PCDH15: variants seen among roughly 807,000 people sequenced by gnomAD.
PCDH15 encodes protocadherin-15.
PCDH15 carries 129 observed loss-of-function variants against 178.5 expected under a neutral mutation model. That is an observed-to-expected ratio of 0.72 (90% CI 0.63 to 0.84). The LOEUF is 0.84. Among genes scored for constraint, PCDH15 ranks in the 40% least tolerant of loss-of-function variants. PCDH15 has a pLI of 0.00. For missense variants in PCDH15, 2,230 were observed against 2,099.9 expected (o/e 1.06, Z -1.21); for synonymous variants, 800 against 732.0 (o/e 1.09, Z -1.50).
intron 3 of PCDH15, among the ~76,000 whole-genome samples, chr10:54,511,390 C>T (rs1326192697): frequency 1.3e-5 from 2 of 152,104 alleles, no homozygotes; most frequent in African/African-American, 4.8e-5. Flanking sequence ...ACTAACTTTT[C>T]CTTCCCAGCT....
intron 2 of PCDH15, chr10:54,568,799 A>G (rs191493009): frequency 6.6e-6 from 1 of 152,254 alleles, no homozygotes; most frequent in African/African-American, 2.4e-5. Flanking sequence ...TTTTAAATAT[A>G]TAGAATAGCA....
chr10:54,268,244 G>T (rs1290180029), intron 8 of PCDH15, among the ~76,000 whole-genome samples: 1 of 151,512 alleles, frequency 6.6e-6, no homozygotes, highest in Non-Finnish European at 1.5e-5. Context: ...ATGAAATTAG[G>T]CTCCTGTCTC....
At chr10:54,279,356 T>C (rs1054177012) in intron 8 of PCDH15, among the ~76,000 whole-genome samples, 7 of 151,574 alleles carry the variant, frequency 4.6e-5, no homozygotes, top group Non-Finnish European at 8.9e-5. Flanking sequence ...TATTTGAAAT[T>C]AATTATTTTA....
At position 53,803,119 on chromosome 10, in the gene PCDH15, A is replaced by G. The variant is rs929780511; in HGVS notation, c.*3460T>C. ...ATTTCACATACCATTTGGGAATAGAAAGAAACTATCTATAAAATGTGTAAG... is the reference window on the plus strand; with the variant it reads ...ATTTCACATACCATTTGGGAATAGAGAGAAACTATCTATAAAATGTGTAAG... On this transcript the variant is annotated 3_prime_UTR_variant, in exon 38 of 38. Coordinates refer to ENST00000644397, the MANE Select transcript of PCDH15 (RefSeq NM_001384140.1). 1.3e-5 allele frequency: 2 copies of G among 151,986 alleles called. No individual in the cohort carries two copies. The highest frequency in any genetic ancestry group is 4.8e-5 in the African/African-American group (2 of 41,430). 9.4% of individuals were successfully genotyped at this position (151,986 alleles called of 1,614,324 possible). A position where few individuals can be genotyped will look rare whatever the true frequency, so the allele number is the denominator to read the frequency against.
intron 1 of PCDH15, among the ~76,000 whole-genome samples, chr10:54,726,721 T>A (rs1942587631): frequency 1.3e-5 from 2 of 151,278 alleles, no homozygotes; most frequent in Non-Finnish European, 3.0e-5. Flanking sequence ...ACTGATCTGA[T>A]GAAGCTAAAA....
chr10:54,247,576 T>C (rs577540170), intron 8 of PCDH15, among the ~76,000 whole-genome samples: 11 of 152,030 alleles, frequency 7.2e-5, no homozygotes, highest in African/African-American at 2.6e-4. Flanking sequence ...CAGGCCAAAA[T>C]AATCTGGTCA....
chr10:54,982,158 CA>C (rs879445690), intron 2 of PCDH15, among the ~76,000 whole-genome samples: 11 of 151,988 alleles, frequency 7.2e-5, no homozygotes, highest in Non-Finnish European at 1.2e-4. Flanking sequence ...AGCAATTATG[CA>C]TAGGGTATCT....
At chr10:54,574,347 G>A (rs894103317) in intron 2 of PCDH15, among the ~76,000 whole-genome samples, 22 of 149,652 alleles carry the variant, frequency 1.5e-4, no homozygotes, top group Middle Eastern at 3.4e-3. Flanking sequence ...GATATGTGGC[G>A]TTATTTCTGA....
At chr10:54,526,368 CT>C (rs1021851390) in intron 3 of PCDH15, among the ~76,000 whole-genome samples, 26 of 152,110 alleles carry the variant, frequency 1.7e-4, no homozygotes, top group Admixed American at 1.7e-3. Context: ...GTTGATAAAC[CT>C]TGCATTATGT....
At chr10:55,238,791 G>T (rs1208635172) in intron 1 of PCDH15, among the ~76,000 whole-genome samples, 1 of 151,884 alleles carries the variant, frequency 6.6e-6, no homozygotes, top group Admixed American at 6.6e-5. Context: ...TTTCATACAG[G>T]TGTACAAGGT....
chr10:55,106,201 T>C (rs1042194864), intron 2 of PCDH15, among the ~76,000 whole-genome samples: 5 of 152,150 alleles, frequency 3.3e-5, no homozygotes, highest in African/African-American at 1.2e-4. Context: ...TCTTTGTAAC[T>C]TGAAATTAGC....
intron 2 of PCDH15, among the ~76,000 whole-genome samples, chr10:54,902,325 G>T (rs1954650661): frequency 6.6e-6 from 1 of 152,176 alleles, no homozygotes; most frequent in African/African-American, 2.4e-5. Flanking sequence ...ATGTTGAGTT[G>T]TAATCCTCAA....
At chr10:54,530,906 A>T (rs2132723925) in intron 2 of PCDH15, among the ~76,000 whole-genome samples, 1 of 152,344 alleles carries the variant, frequency 6.6e-6, no homozygotes, top group Admixed American at 6.5e-5. Flanking sequence ...TAAACGATGC[A>T]TTCACGACAG....
At chr10:55,413,905 A>G (rs1430666416) in intron 2 of PCDH15, among the ~76,000 whole-genome samples, 2 of 151,540 alleles carry the variant, frequency 1.3e-5, no homozygotes, top group Admixed American at 6.6e-5. Flanking sequence ...TCATTAGCTC[A>G]TATATATATG....
chr10:54,496,618 A>G (rs1057147212), intron 3 of PCDH15, among the ~76,000 whole-genome samples: 1 of 152,112 alleles, frequency 6.6e-6, no homozygotes, highest in African/African-American at 2.4e-5. Flanking sequence ...TTATCTGAAT[A>G]CCAATTGTGA....
At chr10:54,679,018 G>A (rs1396048869) in intron 1 of PCDH15, among the ~76,000 whole-genome samples, 2 of 151,428 alleles carry the variant, frequency 1.3e-5, no homozygotes, top group Non-Finnish European at 2.9e-5. Context: ...GTGAAACCCC[G>A]TTTCTACTAA....
chr10:54,292,813 A>ACC (rs1380836034), intron 8 of PCDH15, among the ~76,000 whole-genome samples: 1 of 151,896 alleles, frequency 6.6e-6, no homozygotes, highest in Non-Finnish European at 1.5e-5. Context: ...CAATGATATA[A>ACC]AAGACACAAA....
chr10:54,284,244 C>T (rs1228038316), intron 8 of PCDH15, among the ~76,000 whole-genome samples: 2 of 152,142 alleles, frequency 1.3e-5, no homozygotes, highest in Admixed American at 6.6e-5. Flanking sequence ...TGTATCTACG[C>T]ATGGATGTCT....
intron 2 of PCDH15, among the ~76,000 whole-genome samples, chr10:55,128,366 T>C (rs936813714): frequency 6.6e-6 from 1 of 151,936 alleles, no homozygotes; most frequent in Non-Finnish European, 1.5e-5. Flanking sequence ...AAAGCCTGTT[T>C]GTTTTCTAGT....
Sources: gnomAD v4.1 joint callset for allele counts (sites outside exome capture counted in the v4.1 genomes callset) on GRCh38, gnomAD v4.1.1 for gene constraint, MANE v1.5 for transcripts, NCBI Gene and HGNC (gene_info 2026-07-23, HGNC 2026-07-21) for gene names.